The following COL6A2 variants were observed in gnomAD, a reference collection of about 807,000 sequenced individuals.
COL6A2 encodes collagen type VI alpha 2 chain, also known as collagen alpha-2(VI) chain.
A neutral mutation model predicts 124.9 loss-of-function variants in COL6A2; 90 were observed. That is an observed-to-expected ratio of 0.72 (90% CI 0.61 to 0.86). The LOEUF (loss-of-function observed/expected upper bound fraction) is 0.86. Ranked by LOEUF, COL6A2 falls within the 40% of genes least tolerant of loss-of-function variation. The pLI, the probability that COL6A2 is intolerant of heterozygous loss-of-function variation, is 0.00. For missense variants in COL6A2, 1,607 were observed against 1,502.5 expected (o/e 1.07, Z -1.15); for synonymous variants, 793 against 618.2 (o/e 1.28, Z -4.19).
At position 46,111,558 on chromosome 21, in the gene COL6A2, C is replaced by G; in HGVS notation, c.82C>G (p.Pro28Ala). The G allele has an allele frequency of 1.9e-6, 3 of 1,612,836 alleles. No homozygotes were observed. The highest frequency in any genetic ancestry group is 2.5e-6 in the Non-Finnish European group (3 of 1,179,916). Residue 28 changes from proline to alanine, a missense_variant, in exon 2 of 28, where the codon CCG becomes GCG. Physicochemically the swap from Pro to Ala is conservative, Grantham distance 27. Coordinates refer to ENST00000300527, the MANE Select transcript of COL6A2 (RefSeq NM_001849.4). ...GGCCCAGCAGCAGGAGGTCATCTCG[C>G]CGGACACTACCGAGAGAAACAACAA... Reference protein sequence around the residue: ...IQAQQQEVISPDTTERNNNCP... With the variant: ...IQAQQQEVISADTTERNNNCP...
intron 15 of COL6A2, among the ~76,000 whole-genome samples, chr21:46,120,228 C>A (rs1374649453): frequency 6.7e-6 from 1 of 148,636 alleles, no homozygotes; most frequent in Non-Finnish European, 1.5e-5. Flanking sequence ...CGGCCACCAG[C>A]TCCCCTTGAC....
chr21:46,125,427 C>T, intron 24 of COL6A2, 38 bp from the exon 25 acceptor site: 1 of 1,610,924 alleles, frequency 6.2e-7, no homozygotes, highest in Non-Finnish European at 8.5e-7. Context: ...GGTCTGAGGT[C>T]TCCCCGGTAC....
At chr21:46,109,040 A>G (rs1189034480) in intron 1 of COL6A2, among the ~76,000 whole-genome samples, 1 of 152,166 alleles carries the variant, frequency 6.6e-6, no homozygotes, top group Non-Finnish European at 1.5e-5. Flanking sequence ...TTCAGCTCTC[A>G]GCAGAGAGAA....
intron 17 of COL6A2, 105 bp from the exon 18 acceptor site, chr21:46,121,451 G>A (rs568776329): frequency 2.9e-5 from 31 of 1,079,918 alleles, no homozygotes; most frequent in Middle Eastern, 2.0e-4. Flanking sequence ...GAGGAGCTGC[G>A]GCCATGTGGC....
intron 4 of COL6A2, chr21:46,113,626 T>C (rs1276762349): frequency 2.9e-6 from 1 of 343,240 alleles, no homozygotes; most frequent in Non-Finnish European, 5.6e-6. Flanking sequence ...GATCTCACTA[T>C]GTTGCCCAGC....
chr21:46,126,572 A>G (rs760341063), intron 27 of COL6A2, 31 bp downstream of exon 27: 1 of 1,612,724 alleles, frequency 6.2e-7, no homozygotes, highest in African/African-American at 1.3e-5. Flanking sequence ...CCACCACCCC[A>G]GACTAGCAAA....
At chr21:46,113,597 TG>T (rs1377899376) in intron 4 of COL6A2, 2 of 241,828 alleles carry the variant, frequency 8.3e-6, no homozygotes, top group Admixed American at 1.0e-4. Flanking sequence ...GCTTTCGTAT[TG>T]TTTTTTTGTA....
chr21:46,124,549 G>A lies in COL6A2; in HGVS notation c.1672-102G>A, dbSNP rs879230657. The A allele has an allele frequency of 3.3e-4, 314 of 952,366 alleles. 1 individual carries two copies. Among genetic ancestry groups the A allele is most frequent in the South Asian group, 2.5e-3 (143 of 57,182 alleles). 59.0% of individuals were successfully genotyped at this position (952,366 alleles called of 1,614,324 possible). ...CTTGCACCTGTTAGCCCCCCCCCCC[G>A]CCAAGGGAGGACCCGTGGTTGGGGA... is the stretch of plus-strand genomic sequence containing the variant. On this transcript the variant is annotated intron_variant, in intron 21 of 27. Transcript: ENST00000300527.
chr21:46,124,829 A>C, intron 22 of COL6A2, 56 bp from the exon 23 acceptor site: 2 of 1,607,772 alleles, frequency 1.2e-6, no homozygotes, highest in Non-Finnish European at 1.7e-6. Context: ...GGCCTGGGAG[A>C]GACTCAGCCA....
intron 27 of COL6A2, 96 bp downstream of exon 27, chr21:46,126,637 G>A: frequency 2.0e-6 from 3 of 1,481,090 alleles, no homozygotes; most frequent in Non-Finnish European, 2.8e-6. Flanking sequence ...GGCCGTGCAG[G>A]GACCCGGGGG....
At chr21:46,124,986 G>C (rs1335434160) in intron 23 of COL6A2, 66 bp downstream of exon 23, 2 of 1,591,046 alleles carry the variant, frequency 1.3e-6, no homozygotes, top group Non-Finnish European at 8.6e-7. Flanking sequence ...AGAGCAGCAG[G>C]GGTGGGGGAA....
chr21:46,106,078 TGGCTATACTAATACCAGACAAGATA>T, intron 1 of COL6A2, among the ~76,000 whole-genome samples: 1 of 152,026 alleles, frequency 6.6e-6, no homozygotes, highest in East Asian at 1.9e-4. Context: ...AGAGCAAGAG[TGGCTATACTAATACCAGACAAGATA>T]GGCTTTAAAT....
Position 46,130,380 on chromosome 21 carries a change from C to T in COL6A2, c.2462-1574C>T, listed in dbSNP as rs560508476. ...CACCATCCAAAGGGAGCGGCCCCCA[C>T]GGCGAGCTGACCCCGACGTTCTGAC... On this transcript the variant is annotated intron_variant, in intron 27 of 27. Coordinates refer to ENST00000300527, the MANE Select transcript of COL6A2 (RefSeq NM_001849.4). 6.0e-4 allele frequency among the ~76,000 whole-genome samples: 92 copies of T among 152,322 alleles called. 1 individual carries two copies. The highest frequency in any genetic ancestry group is 5.4e-3 in the Admixed American group (82 of 15,302).
In COL6A2 at chr21:46,109,039, C is replaced by T. The variant is rs77479962; in HGVS notation, c.-27-2411C>T. 2.2e-4 allele frequency among the ~76,000 whole-genome samples: 33 copies of T among 152,290 alleles called. No homozygotes were observed. In the East Asian group the frequency reaches 6.2e-3, roughly 29 times the overall value. On this transcript the variant is annotated intron_variant, in intron 1 of 27. Transcript: ENST00000300527. ...GTTGTCTTGTCAAATGTTCAGCTCTCAGCAGAGAGAAGGCCCTGGAGTGGG... is the reference window on the plus strand; with the variant it reads ...GTTGTCTTGTCAAATGTTCAGCTCTTAGCAGAGAGAAGGCCCTGGAGTGGG...
chr21:46,124,761 AACAC>A (rs2078633216), intron 22 of COL6A2, 48 bp downstream of exon 22: 3 of 1,605,482 alleles, frequency 1.9e-6, no homozygotes, highest in Non-Finnish European at 2.6e-6. Flanking sequence ...CTGCCAGGCC[AACAC>A]ACACCCAAGC....
chr21:46,124,306 CGAATGGGT>C lies in COL6A2; in HGVS notation c.1672-343_1672-336del, dbSNP rs371037497. On this transcript the variant is annotated intron_variant, in intron 21 of 27. Transcript: ENST00000300527. ...ATGGATGGGTGATTGGGCGAATGGGCGAATGGGTGGATGGGTGGGCGTGGAGTTGGTGG... is the reference window on the plus strand; with the variant it reads ...ATGGATGGGTGATTGGGCGAATGGGCGGATGGGTGGGCGTGGAGTTGGTGG... Among the ~76,000 whole-genome samples, 936 of 150,246 alleles carry C rather than the reference CGAATGGGT, an allele frequency of 6.2e-3. 10 individuals carry two copies. Among genetic ancestry groups the C allele is most frequent in the African/African-American group, 0.022 (898 of 40,800 alleles).
chr21:46,128,712 C>T (rs1191894945), intron 27 of COL6A2, among the ~76,000 whole-genome samples: 1 of 152,214 alleles, frequency 6.6e-6, no homozygotes. Context: ...AAGGCAGAGA[C>T]GTTGCAGAGG....
At position 46,117,281 on chromosome 21, in the gene COL6A2, G is replaced by T. The variant is rs2078487162; in HGVS notation, c.1000-119G>T. ...CGTGGCCTCATGTGGGCACCCGTGTGCCAGGAGGAGAGCGCTGCAGCCCTG... is the reference window on the plus strand; with the variant it reads ...CGTGGCCTCATGTGGGCACCCGTGTTCCAGGAGGAGAGCGCTGCAGCCCTG... On this transcript the variant is annotated intron_variant, in intron 10 of 27. Transcript: ENST00000300527. The T allele has an allele frequency of 4.9e-6, 5 of 1,027,336 alleles. No individual in the cohort carries two copies. The East Asian group carries it at 1.3e-4, about 27-fold the overall frequency. 63.6% of individuals were successfully genotyped at this position (1,027,336 alleles called of 1,614,324 possible). A position where few individuals can be genotyped will look rare whatever the true frequency, so the allele number is the denominator to read the frequency against.
In COL6A2 at chr21:46,130,729, T is replaced by C. The variant is rs564125386; in HGVS notation, c.2462-1225T>C. Among the ~76,000 whole-genome samples, 11 of 152,264 alleles carry C rather than the reference T, an allele frequency of 7.2e-5. No homozygotes were observed. In the East Asian group the frequency reaches 1.5e-3, roughly 21 times the overall value. On this transcript the variant is annotated intron_variant, in intron 27 of 27. Transcript: ENST00000300527. ...TTTGGTGACAGCAGTGAAAATGTTA[T>C]TAGTTTTGAGGGGGTTTGGGAAGCC...
Sources: allele counts gnomAD v4.1 joint callset (sites outside exome capture counted in the v4.1 genomes callset), GRCh38; gene constraint gnomAD v4.1.1; transcripts MANE v1.5; gene names NCBI Gene and HGNC (gene_info 2026-07-23, HGNC 2026-07-21).